The following VKORC1 variants were observed in gnomAD, a reference collection of about 807,000 sequenced individuals.
VKORC1 encodes the protein phylloquinone epoxide reductase.
In VKORC1, 12 loss-of-function variants were observed where a neutral mutation model predicts 14.8. That is an observed-to-expected ratio of 0.81 (90% CI 0.52 to 1.31). The LOEUF (loss-of-function observed/expected upper bound fraction) is 1.31, where lower values mean the gene tolerates loss of function less well. Ranked by LOEUF, VKORC1 falls within the 50% of genes most tolerant of loss-of-function variation. VKORC1 has a pLI of 0.00. For synonymous variants in VKORC1, 94 were observed against 92.5 expected, an observed-to-expected ratio of 1.02 and a Z score of -0.09; for missense variants, 223 against 215.3, an observed-to-expected ratio of 1.04 and a Z score of -0.22.
rs1039918004 is a variant in VKORC1, at chr16:31,094,141, G to C, written c.173+416C>G. The C allele has an allele frequency of 5.8e-6, 9 of 1,542,550 alleles. No individual in the cohort carries two copies. The African/African-American group carries it at 1.2e-4, about 21-fold the overall frequency. On this transcript the variant is annotated intron_variant, in intron 1 of 2. Coordinates refer to ENST00000394975, the MANE Select transcript of VKORC1 (RefSeq NM_024006.6). ...CCCTGGCCACTCACTCGCCTCCTCTGTATTCCGTCATTATGCTAACGCCTG... is the reference window on the plus strand; with the variant it reads ...CCCTGGCCACTCACTCGCCTCCTCTCTATTCCGTCATTATGCTAACGCCTG...
chr16:31,094,550 T>G lies in VKORC1; in HGVS notation c.173+7A>C, dbSNP rs914187504. 7 of 1,612,436 alleles carry G rather than the reference T, an allele frequency of 4.3e-6. No homozygotes were observed. The Admixed American group carries it at 5.0e-5, about 12-fold the overall frequency. ...CGAGGCCCCACGCCTCCCACTCCCGTGCACACCTGGAGGAGAAGACGCGCG... is the reference window on the plus strand; with the variant it reads ...CGAGGCCCCACGCCTCCCACTCCCGGGCACACCTGGAGGAGAAGACGCGCG... On this transcript the variant is annotated splice_region_variant and intron_variant, in intron 1 of 2. Coordinates refer to ENST00000394975, the MANE Select transcript of VKORC1 (RefSeq NM_024006.6).
intron 1 of VKORC1, chr16:31,093,986 G>A: frequency 1.6e-6 from 1 of 609,258 alleles, no homozygotes; most frequent in South Asian, 2.1e-5. Flanking sequence ...TTACAGGAGT[G>A]GGCCACCGCG....
intron 2 of VKORC1, among the ~76,000 whole-genome samples, chr16:31,092,405 A>G (rs918901526): frequency 6.6e-6 from 1 of 151,694 alleles, no homozygotes; most frequent in African/African-American, 2.4e-5. Flanking sequence ...TTGCCCAGGG[A>G]GGGAAAGTTC....
Sources: gnomAD v4.1 joint callset for allele counts (sites outside exome capture counted in the v4.1 genomes callset) on GRCh38, gnomAD v4.1.1 for gene constraint, MANE v1.5 for transcripts, NCBI Gene and HGNC (gene_info 2026-07-23, HGNC 2026-07-21) for gene names.